Variants in PTK2B observed in about 807,000 individuals in gnomAD.
PTK2B encodes protein-tyrosine kinase 2-beta.
PTK2B carries 71 observed loss-of-function variants against 142.9 expected under a neutral mutation model. The observed-to-expected ratio is 0.50, with a 90% CI of 0.41 to 0.61. The LOEUF is 0.61. PTK2B is among the 20% of genes least tolerant of loss of function. The pLI is 0.00. For synonymous variants in PTK2B, 519 were observed against 503.4 expected (o/e 1.03, Z -0.42); for missense variants, 1,105 against 1,320.4 (o/e 0.84, Z 2.53).
chr8:27,352,929 T>C (rs1226914306), intron 1 of PTK2B, among the ~76,000 whole-genome samples: 1 of 152,220 alleles, frequency 6.6e-6, no homozygotes, highest in East Asian at 1.9e-4. Flanking sequence ...AATACATTAT[T>C]ATTCTAAACT....
At chr8:27,414,714 G>A (rs1310399650) in intron 2 of PTK2B, among the ~76,000 whole-genome samples, 2 of 148,026 alleles carry the variant, frequency 1.4e-5, no homozygotes, top group African/African-American at 5.0e-5. Context: ...AGATAGGTTG[G>A]CTAGACTCTC....
In PTK2B at chr8:27,325,692, C is replaced by T. The variant is rs1427970358; in HGVS notation, c.-38+11C>T. 6.6e-6 allele frequency: 1 copy of T among 152,312 alleles called. No homozygotes were observed. The highest frequency in any genetic ancestry group is 1.5e-5 in the Non-Finnish European group (1 of 68,132). 9.4% of individuals were successfully genotyped at this position (152,312 alleles called of 1,614,324 possible). A position where few individuals can be genotyped will look rare whatever the true frequency, so the allele number is the denominator to read the frequency against. ...TCCGCGCCTCCCTGGGTGAGTCCCT[C>T]CCGCGAGCCAGGGCTGAGCGCTGCG... On this transcript the variant is annotated intron_variant, in intron 1 of 30. Transcript: ENST00000346049.
At chr8:27,319,420 ATCACGAGG>A (rs986191770) in intron 3 of PTK2B, among the ~76,000 whole-genome samples, 6 of 151,036 alleles carry the variant, frequency 4.0e-5, no homozygotes, top group African/African-American at 7.3e-5. Flanking sequence ...AGGCGGGAGG[ATCACGAGG>A]TCAGGAGATC....
intron 1 of PTK2B, among the ~76,000 whole-genome samples, chr8:27,326,270 C>A (rs1803413737): frequency 1.3e-5 from 2 of 151,262 alleles, no homozygotes; most frequent in African/African-American, 4.9e-5. Context: ...GTAGTTAACA[C>A]TGGCCATTCT....
At chr8:27,368,675 T>C (rs1201367754) in intron 1 of PTK2B, among the ~76,000 whole-genome samples, 1 of 152,192 alleles carries the variant, frequency 6.6e-6, no homozygotes, top group Non-Finnish European at 1.5e-5. Flanking sequence ...CATTATCTCA[T>C]TGTCTCTTCT....
intron 1 of PTK2B, among the ~76,000 whole-genome samples, chr8:27,341,849 T>C (rs1478907564): frequency 1.3e-5 from 2 of 152,018 alleles, no homozygotes; most frequent in South Asian, 2.1e-4. Flanking sequence ...AATTTTAAAA[T>C]ATTTTTTGTA....
rs371172934 is a variant in PTK2B, at chr8:27,327,469, C to T, written c.-38+1788C>T. Among the ~76,000 whole-genome samples, 32 of 151,980 alleles carry T rather than the reference C, an allele frequency of 2.1e-4. 1 individual carries two copies. The highest frequency in any genetic ancestry group is 1.9e-3 in the East Asian group (10 of 5,192). On this transcript the variant is annotated intron_variant, in intron 1 of 30. Transcript: ENST00000346049. Reference sequence around the variant, plus strand: ...TACATGGAACATACTTATACTCAAACATTATTCACTGTTTCTCTGAAATTC... The same window carrying T: ...TACATGGAACATACTTATACTCAAATATTATTCACTGTTTCTCTGAAATTC...
At chr8:27,360,894 C>G (rs770463108) in intron 1 of PTK2B, among the ~76,000 whole-genome samples, 2 of 152,144 alleles carry the variant, frequency 1.3e-5, no homozygotes, top group Non-Finnish European at 2.9e-5. Flanking sequence ...CGAAATAAAA[C>G]GTGTCGGTCT....
At chr8:27,345,663 C>G (rs953994187) in intron 1 of PTK2B, among the ~76,000 whole-genome samples, 2 of 152,194 alleles carry the variant, frequency 1.3e-5, no homozygotes, top group African/African-American at 4.8e-5. Context: ...GACCCAGTAA[C>G]CTATTTGTGC....
At position 27,451,345 on chromosome 8, in the gene PTK2B, C is replaced by T. The variant is rs1811798096; in HGVS notation, c.2524-140C>T. On this transcript the variant is annotated intron_variant, in intron 26 of 30. Coordinates refer to ENST00000346049, the MANE Select transcript of PTK2B (RefSeq NM_173176.3). ...CAGAAAGGTCACATTGGGTCACGAG[C>T]TGCTCCCAGAAGCACCCCCGACCCC... 63 of 1,390,684 alleles carry T rather than the reference C, an allele frequency of 4.5e-5. 2 individuals carry two copies. In the South Asian group the frequency reaches 8.3e-4, roughly 18 times the overall value. The allele number at this position is 1,390,684 out of a possible 1,614,324, so 86.1% of individuals were successfully genotyped here.
chr8:27,454,566 C>T lies in PTK2B; in HGVS notation c.2769C>T (p.Ser923=), dbSNP rs375077657. Residue 923 remains serine, a synonymous_variant, in exon 30 of 31, where the codon AGC becomes AGT. Coordinates refer to ENST00000346049, the MANE Select transcript of PTK2B (RefSeq NM_173176.3). ...VGLTLRKLIG[S]VDDLLPSLPS... is the part of the protein sequence containing the mutation. ...TGACCCTGCGGAAGCTCATCGGGAG[C>T]GTGGATGATCTCCTGCCTTCCTTGC... 45 of 1,614,196 alleles carry T rather than the reference C, an allele frequency of 2.8e-5. No individual in the cohort carries two copies. The highest frequency in any genetic ancestry group is 8.9e-5 in the East Asian group (4 of 44,880).
At chr8:27,333,818 C>T (rs767908465) in intron 1 of PTK2B, among the ~76,000 whole-genome samples, 14 of 152,254 alleles carry the variant, frequency 9.2e-5, no homozygotes, top group African/African-American at 2.6e-4. Context: ...ATCATGTCTC[C>T]GGTGACCATC....
At chr8:27,457,186 T>C (rs2132582070) in intron 30 of PTK2B, among the ~76,000 whole-genome samples, 1 of 152,352 alleles carries the variant, frequency 6.6e-6, no homozygotes, top group Non-Finnish European at 1.5e-5. Context: ...AATGCCTGTC[T>C]TCAAAGCTTC....
At chr8:27,320,324 T>C (rs1324244374) in intron 3 of PTK2B, among the ~76,000 whole-genome samples, 1 of 152,146 alleles carries the variant, frequency 6.6e-6, no homozygotes, top group Non-Finnish European at 1.5e-5. Flanking sequence ...CCCACAACAC[T>C]GAGCGTCCCA....
Position 27,432,050 on chromosome 8 carries a change from C to T in PTK2B, c.886-210C>T, listed in dbSNP as rs2132048278. On this transcript the variant is annotated intron_variant, in intron 9 of 30. Coordinates refer to ENST00000346049, the MANE Select transcript of PTK2B (RefSeq NM_173176.3). ...AGTGTATTTTATGTGTGGTCCAAGA[C>T]AATTCTTCTTCCAATGTGGCCCAGG... 4 of 505,902 alleles carry T rather than the reference C, an allele frequency of 7.9e-6. No individual in the cohort carries two copies. The East Asian group carries it at 1.2e-4, about 15-fold the overall frequency. The allele number at this position is 505,902 out of a possible 1,614,324, so 31.3% of individuals were successfully genotyped here. A position where few individuals can be genotyped will look rare whatever the true frequency, so the allele number is the denominator to read the frequency against.
At chr8:27,360,259 A>G (rs1805621140) in intron 1 of PTK2B, among the ~76,000 whole-genome samples, 1 of 152,244 alleles carries the variant, frequency 6.6e-6, no homozygotes, top group African/African-American at 2.4e-5. Flanking sequence ...ATAAAGAGAC[A>G]CAGTCCTCCC....
chr8:27,353,815 A>G (rs1430995604), intron 1 of PTK2B, among the ~76,000 whole-genome samples: 1 of 152,140 alleles, frequency 6.6e-6, no homozygotes, highest in African/African-American at 2.4e-5. Flanking sequence ...AGAGCAGGGG[A>G]CAAAGAGCCT....
At chr8:27,365,222 T>C (rs1805949600) in intron 1 of PTK2B, among the ~76,000 whole-genome samples, 1 of 152,242 alleles carries the variant, frequency 6.6e-6, no homozygotes, top group Admixed American at 6.5e-5. Flanking sequence ...CGTGGTATTA[T>C]TTGATGGCGA....
chr8:27,453,589 CT>C (rs1229044515), intron 28 of PTK2B, among the ~76,000 whole-genome samples: 3 of 152,204 alleles, frequency 2.0e-5, no homozygotes, highest in Non-Finnish European at 2.9e-5. Context: ...CTTTGAAACT[CT>C]CTGCATAGGC....
Sources: gnomAD v4.1 joint callset for allele counts (sites outside exome capture counted in the v4.1 genomes callset) on GRCh38, gnomAD v4.1.1 for gene constraint, MANE v1.5 for transcripts, NCBI Gene and HGNC (gene_info 2026-07-23, HGNC 2026-07-21) for gene names.